The following VNN1 variants were observed in gnomAD, a reference collection of about 807,000 sequenced individuals.
VNN1 encodes the protein vanin 1.
VNN1 carries 29 observed loss-of-function variants against 41.9 expected under a neutral mutation model. The ratio of observed to expected loss-of-function variants is 0.69; its 90% CI spans 0.52 to 0.94. VNN1 has a LOEUF of 0.94. Among genes scored for constraint, VNN1 ranks in the 40% least tolerant of loss-of-function variants. The pLI is 0.00. For missense variants in VNN1, 637 were observed against 621.1 expected, an observed-to-expected ratio of 1.03 and a Z score of -0.27; for synonymous variants, 233 against 224.4, an observed-to-expected ratio of 1.04 and a Z score of -0.34.
chr6:132,707,776 G>A (rs1444359882), intron 2 of VNN1, among the ~76,000 whole-genome samples: 1 of 152,194 alleles, frequency 6.6e-6, no homozygotes, highest in Non-Finnish European at 1.5e-5. Context: ...AGGCTGGGAA[G>A]GGTAGTTAGG....
rs541321582 is a variant in VNN1 at position 132,696,627 on chromosome 6, A to G, written c.342-2445T>C. 5.2e-4 allele frequency among the ~76,000 whole-genome samples: 79 copies of G among 152,252 alleles called. 1 individual carries two copies. Among genetic ancestry groups the G allele is most frequent in the Non-Finnish European group, 1.2e-4 (8 of 68,018 alleles). Reference sequence around the variant, plus strand: ...ATTATCGGCAGATTTCTCATCAATAACTTTGGAGACCACAAAGCATTGAGC... The same window carrying G: ...ATTATCGGCAGATTTCTCATCAATAGCTTTGGAGACCACAAAGCATTGAGC... On this transcript the variant is annotated intron_variant, in intron 2 of 6. Transcript: ENST00000367928.
intron 2 of VNN1, among the ~76,000 whole-genome samples, chr6:132,697,982 A>C (rs1192881797): frequency 1.3e-5 from 2 of 152,234 alleles, no homozygotes; most frequent in African/African-American, 2.4e-5. Context: ...GATGACAAAC[A>C]TATTTTCCTA....
At chr6:132,701,642 A>G (rs1778450222) in intron 2 of VNN1, among the ~76,000 whole-genome samples, 1 of 152,224 alleles carries the variant, frequency 6.6e-6, no homozygotes. Flanking sequence ...CTGCAGGATC[A>G]CCAAACTGAA....
chr6:132,701,355 CAT>C (rs1284756917), intron 2 of VNN1, among the ~76,000 whole-genome samples: 12 of 152,180 alleles, frequency 7.9e-5, no homozygotes, highest in African/African-American at 1.2e-4. Context: ...ATAATTCAGA[CAT>C]GTGCACTTTA....
At chr6:132,706,917 A>G (rs1440923011) in intron 2 of VNN1, among the ~76,000 whole-genome samples, 1 of 136,172 alleles carries the variant, frequency 7.3e-6, no homozygotes, top group Admixed American at 7.7e-5. Context: ...GTTGCTCAAC[A>G]TCACTGATCA....
At chr6:132,684,758 CTT>C (rs1778184095) in intron 5 of VNN1, among the ~76,000 whole-genome samples, 1 of 152,036 alleles carries the variant, frequency 6.6e-6, no homozygotes, top group Non-Finnish European at 1.5e-5. Flanking sequence ...GAAATACTCT[CTT>C]GATCTAGAAA....
intron 2 of VNN1, among the ~76,000 whole-genome samples, chr6:132,702,563 C>T (rs1778462781): frequency 1.3e-5 from 2 of 152,132 alleles, no homozygotes; most frequent in African/African-American, 2.4e-5. Context: ...GTTGCATCAA[C>T]CCTCCTCCAA....
chr6:132,687,356 C>T (rs1013460874), intron 5 of VNN1, among the ~76,000 whole-genome samples: 2 of 152,212 alleles, frequency 1.3e-5, no homozygotes, highest in Non-Finnish European at 2.9e-5. Flanking sequence ...ATCCCGATCA[C>T]TCTCTTTCCG....
intron 2 of VNN1, among the ~76,000 whole-genome samples, chr6:132,694,537 T>A (rs2745434): frequency 0.75 from 113,832 of 152,006 alleles, 43,776 homozygotes; most frequent in East Asian, 0.94. Flanking sequence ...TACTAAAATT[T>A]TGTCTAACAG....
At chr6:132,704,883 T>G (rs1778497758) in intron 2 of VNN1, among the ~76,000 whole-genome samples, 1 of 151,816 alleles carries the variant, frequency 6.6e-6, no homozygotes, top group Non-Finnish European at 1.5e-5. Context: ...CAAAAGATCA[T>G]TAGAGATTAC....
chr6:132,689,397 T>G (rs566884074), intron 5 of VNN1, among the ~76,000 whole-genome samples: 1 of 152,248 alleles, frequency 6.6e-6, no homozygotes, highest in East Asian at 1.9e-4. Context: ...TGCATTCACT[T>G]CCCTTTGACT....
At chr6:132,704,597 C>T (rs1778492406) in intron 2 of VNN1, among the ~76,000 whole-genome samples, 1 of 151,906 alleles carries the variant, frequency 6.6e-6, no homozygotes, top group African/African-American at 2.4e-5. Context: ...TAAGTGCCTA[C>T]ACTAACAAAG....
At chr6:132,689,909 C>T (rs917561025) in intron 5 of VNN1, among the ~76,000 whole-genome samples, 6 of 152,338 alleles carry the variant, frequency 3.9e-5, no homozygotes. Flanking sequence ...GTCAGTGAGT[C>T]TGCTCCTCTC....
At chr6:132,705,101 A>T (rs920488016) in intron 2 of VNN1, among the ~76,000 whole-genome samples, 7 of 152,120 alleles carry the variant, frequency 4.6e-5, no homozygotes, top group Admixed American at 1.3e-4. Flanking sequence ...TTACCAAACA[A>T]TTAAAGAACT....
rs139945781 is a variant in VNN1, at chr6:132,684,714, A to T, written c.1189-209T>A. ...ATAAAATAATTAAATAAACTGCTAG[A>T]TGCTCTTAAAAAAAAAACATGAGAA... On this transcript the variant is annotated intron_variant, in intron 5 of 6. Transcript: ENST00000367928. Among the ~76,000 whole-genome samples the T allele has an allele frequency of 3.4e-3, 508 of 151,256 alleles. 3 individuals are homozygous for T. Among genetic ancestry groups the T allele is most frequent in the African/African-American group, 0.012 (480 of 40,722 alleles).
intron 4 of VNN1, 117 bp from the exon 5 acceptor site, chr6:132,692,701 T>G: frequency 2.3e-6 from 3 of 1,329,258 alleles, no homozygotes; most frequent in Non-Finnish European, 3.0e-6. Context: ...TTATATGTTT[T>G]ATTAATTTCA....
chr6:132,698,714 G>A (rs548713946), intron 2 of VNN1: 25 of 156,208 alleles, frequency 1.6e-4, no homozygotes, highest in African/African-American at 5.1e-4. Flanking sequence ...TCTGAGATTG[G>A]ATTTCGTGGG....
intron 5 of VNN1, among the ~76,000 whole-genome samples, chr6:132,690,998 G>A (rs752017851): frequency 6.6e-6 from 1 of 152,144 alleles, no homozygotes; most frequent in East Asian, 1.9e-4. Flanking sequence ...GGTGGGGCTC[G>A]CCACGGATAA....
chr6:132,701,983 G>T (rs1326898707), intron 2 of VNN1, among the ~76,000 whole-genome samples: 1 of 152,220 alleles, frequency 6.6e-6, no homozygotes, highest in East Asian at 1.9e-4. Context: ...GAGAGGAATT[G>T]TCCTACCCAG....
Sources: gnomAD v4.1 joint callset for allele counts (sites outside exome capture counted in the v4.1 genomes callset) on GRCh38, gnomAD v4.1.1 for gene constraint, MANE v1.5 for transcripts, NCBI Gene and HGNC (gene_info 2026-07-23, HGNC 2026-07-21) for gene names.